Variants in EFCAB9 observed in about 807,000 individuals in gnomAD.
EFCAB9 encodes EF-hand calcium-binding domain-containing protein 9.
Under a neutral mutation model 15.6 loss-of-function variants are expected in EFCAB9, and 16 were observed. That is an observed-to-expected ratio of 1.03 (90% CI 0.69 to 1.56). EFCAB9 has a LOEUF of 1.56. EFCAB9 is among the 40% of genes most tolerant of loss of function. The pLI is 0.00. For missense variants in EFCAB9, 208 were observed against 235.4 expected, an observed-to-expected ratio of 0.88 and a Z score of 0.76; for synonymous variants, 76 against 85.4, an observed-to-expected ratio of 0.89 and a Z score of 0.61.
Position 172,199,380 on chromosome 5 carries a change from C to G in EFCAB9, c.137-3C>G. On this transcript the variant is annotated splice_polypyrimidine_tract_variant and splice_region_variant and intron_variant, in intron 1 of 3. Coordinates refer to ENST00000398186, the MANE Select transcript of EFCAB9 (RefSeq NM_001171183.2). ...ACATCTCCTCACCTGCCCACCTTAACAGATGTGCTGTTCTATCACTTCCTT... is the reference window on the plus strand; with the variant it reads ...ACATCTCCTCACCTGCCCACCTTAAGAGATGTGCTGTTCTATCACTTCCTT... 1 of 1,537,210 alleles carries G rather than the reference C, an allele frequency of 6.5e-7. No homozygotes were observed. The highest frequency in any genetic ancestry group is 8.7e-7 in the Non-Finnish European group (1 of 1,146,886).
rs1355692849 is a variant in EFCAB9, at chr5:172,203,341, A to G, written c.590A>G (p.Lys197Arg). ...AGTCTCTACTCAAAATGTCACATCA[A>G]GTAGATACAAGCTGAAAGAGTCTTG... ...KRSLYSKCHI[K>R] Residue 197 changes from lysine (K) to arginine (R), a missense_variant, in exon 4 of 4, where the codon AAG becomes AGG. Coordinates refer to ENST00000398186, the MANE Select transcript of EFCAB9 (RefSeq NM_001171183.2). 2 of 1,530,874 alleles carry G rather than the reference A, an allele frequency of 1.3e-6. No individual in the cohort carries two copies. Among genetic ancestry groups the G allele is most frequent in the Middle Eastern group, 1.7e-4 (1 of 5,952 alleles). The allele number at this position is 1,530,874 out of a possible 1,614,324, so 94.8% of individuals were successfully genotyped here.
chr5:172,200,602 C>T lies in EFCAB9; in HGVS notation c.322C>T (p.Arg108Trp), dbSNP rs867066300. 44 of 1,536,982 alleles carry T rather than the reference C, an allele frequency of 2.9e-5. No homozygotes were observed. The highest frequency in any genetic ancestry group is 4.1e-5 in the African/African-American group (3 of 73,022). The part of the protein sequence containing the change: ...LEGQFMYRHS[R>W]PVFDLLDLKG... ...AGGACAGTTTATGTATCGTCATTCC[C>T]GGCCTGTCTTTGACCTGCTTGACCT... is the stretch of plus-strand genomic sequence containing the variant. The change falls in exon 3 of 4, where the codon CGG becomes TGG. Residue 108 changes from arginine (R) to tryptophan (W), a missense_variant. Transcript: ENST00000398186.
intron 3 of EFCAB9, among the ~76,000 whole-genome samples, chr5:172,202,289 C>T (rs551295320): frequency 1.4e-3 from 173 of 122,104 alleles, no homozygotes; most frequent in African/African-American, 5.5e-3. Context: ...TGCAGTGAGC[C>T]GAGATCATGC....
intron 3 of EFCAB9, 119 bp from the exon 4 acceptor site, chr5:172,203,095 A>T: frequency 1.0e-6 from 1 of 986,540 alleles, no homozygotes; most frequent in Non-Finnish European, 1.4e-6. Flanking sequence ...TGTCCCAATT[A>T]CTGAGTGTCT....
intron 3 of EFCAB9, among the ~76,000 whole-genome samples, chr5:172,201,710 G>T (rs2113861742): frequency 6.6e-6 from 1 of 152,244 alleles, no homozygotes; most frequent in East Asian, 1.9e-4. Context: ...ATGGGAGCAT[G>T]TGAGCATAAT....
intron 1 of EFCAB9, among the ~76,000 whole-genome samples, chr5:172,195,572 C>T (rs1771146945): frequency 6.6e-6 from 1 of 152,196 alleles, no homozygotes; most frequent in Non-Finnish European, 1.5e-5. Flanking sequence ...CTGCAAAGCC[C>T]ATGCTGAGTC....
chr5:172,203,114 C>T, intron 3 of EFCAB9, 100 bp from the exon 4 acceptor site: 2 of 1,196,726 alleles, frequency 1.7e-6, no homozygotes, highest in East Asian at 2.6e-5. Context: ...CTTTAATTTT[C>T]CAAGTTTTTA....
chr5:172,194,457 T>C (rs972833688), intron 1 of EFCAB9, 149 bp downstream of exon 1: 38 of 1,068,516 alleles, frequency 3.6e-5, no homozygotes, highest in Non-Finnish European at 4.8e-5. Context: ...TGGAGTACGA[T>C]GGCGCGATCT....
In EFCAB9 at chr5:172,194,378, A is replaced by G. The variant is rs540274838; in HGVS notation, c.136+70A>G. 681 of 1,489,666 alleles carry G rather than the reference A, an allele frequency of 4.6e-4. 12 individuals carry two copies. In the South Asian group the frequency reaches 6.3e-3, roughly 14 times the overall value. The allele number at this position is 1,489,666 out of a possible 1,614,324, so 92.3% of individuals were successfully genotyped here. On this transcript the variant is annotated intron_variant, in intron 1 of 3. Transcript: ENST00000398186. Reference sequence around the variant, plus strand: ...TTAGCTAATGTGTAAGAAAACTTGCAGAGCCAGAAACTATTTTGTTAGTAC... The same window carrying G: ...TTAGCTAATGTGTAAGAAAACTTGCGGAGCCAGAAACTATTTTGTTAGTAC...
chr5:172,201,235 C>T (rs1250261928), intron 3 of EFCAB9, among the ~76,000 whole-genome samples: 3 of 152,142 alleles, frequency 2.0e-5, no homozygotes, highest in African/African-American at 4.8e-5. Context: ...ATCAGCCAGG[C>T]GCAGTGGCAC....
rs768660153 is a variant in EFCAB9, at chr5:172,200,593, C to G, written c.313C>G (p.Arg105Gly). The G allele has an allele frequency of 5.9e-6, 9 of 1,536,824 alleles. No homozygotes were observed. In the African/African-American group the frequency reaches 8.2e-5, roughly 14 times the overall value. The change falls in exon 3 of 4, where the codon CGT becomes GGT. Residue 105 changes from arginine (R) to glycine (G), a missense_variant. By Grantham distance (125) the Arg-to-Gly change is moderately radical (BLOSUM62 -2). Transcript: ENST00000398186. ...QNHLEGQFMY[R>G]HSRPVFDLLD... ...CCATTTGGAAGGACAGTTTATGTATCGTCATTCCCGGCCTGTCTTTGACCT... is the reference window on the plus strand; with the variant it reads ...CCATTTGGAAGGACAGTTTATGTATGGTCATTCCCGGCCTGTCTTTGACCT...
chr5:172,201,627 T>C (rs190932578), intron 3 of EFCAB9, among the ~76,000 whole-genome samples: 2 of 152,284 alleles, frequency 1.3e-5, no homozygotes, highest in East Asian at 1.9e-4. Flanking sequence ...GGAGGAAATA[T>C]AATATGACAG....
chr5:172,199,303 C>A, intron 1 of EFCAB9, 80 bp from the exon 2 acceptor site: 1 of 1,442,134 alleles, frequency 6.9e-7, no homozygotes. Flanking sequence ...AACATCACTA[C>A]CATTTACATG....
chr5:172,202,688 A>C (rs1771276305), intron 3 of EFCAB9, among the ~76,000 whole-genome samples: 1 of 151,258 alleles, frequency 6.6e-6, no homozygotes, highest in African/African-American at 2.4e-5. Flanking sequence ...AGCCTGGGTG[A>C]CCAAGTGAGA....
intron 1 of EFCAB9, among the ~76,000 whole-genome samples, 175 bp downstream of exon 1, chr5:172,194,483 TC>T (rs1419808583): frequency 6.6e-6 from 1 of 151,946 alleles, no homozygotes; most frequent in Non-Finnish European, 1.5e-5. Flanking sequence ...CACTGCAATC[TC>T]CGCCTCCAGG....
rs913849300 is a variant in EFCAB9, at chr5:172,194,247, CGT to C, written c.77_78del (p.Val26GlufsTer20). 5.2e-6 allele frequency: 8 copies of C among 1,537,730 alleles called. No individual in the cohort carries two copies. The highest frequency in any genetic ancestry group is 1.4e-5 in the African/African-American group (1 of 73,020). ...TATACTGCTTATTATCCGTGAGAAA[CGT>C]GAAGGCTTTGGCAGAATATTTTCAT... ...KIYCLLSVRN[V>X]KALAEYFHIL... is the part of the protein sequence containing the mutation. On this transcript the variant is annotated frameshift_variant, in exon 1 of 4. Transcript: ENST00000398186. LOFTEE classifies it high-confidence loss of function.
At chr5:172,195,389 AG>A (rs1419212488) in intron 1 of EFCAB9, among the ~76,000 whole-genome samples, 2 of 152,174 alleles carry the variant, frequency 1.3e-5, no homozygotes, top group African/African-American at 4.8e-5. Context: ...GATTTTAAGG[AG>A]TTCATTCAAT....
rs1044792234 is a variant in EFCAB9 at position 172,203,257 on chromosome 5, C to G, written c.506C>G (p.Thr169Ser). 2.1e-5 allele frequency: 32 copies of G among 1,536,292 alleles called. No individual in the cohort carries two copies. Among genetic ancestry groups the G allele is most frequent in the South Asian group, 8.3e-5 (7 of 84,038 alleles). ...TTTAAGCTGTATACAATCATCTACA[C>G]TGACAAATTACAGAAGAGGCAGAAA... ...QEFKLYTIIYTDKLQKRQKTE... is the reference protein window; with the variant it reads ...QEFKLYTIIYSDKLQKRQKTE... The change falls in exon 4 of 4, where the codon ACT (threonine) becomes AGT (serine). Residue 169 changes from threonine to serine, a missense_variant. Physicochemically the swap from Thr to Ser is moderately conservative, Grantham distance 58. Coordinates refer to ENST00000398186, the MANE Select transcript of EFCAB9 (RefSeq NM_001171183.2).
intron 1 of EFCAB9, among the ~76,000 whole-genome samples, chr5:172,199,039 G>C (rs1017782665): frequency 2.6e-5 from 4 of 152,152 alleles, no homozygotes; most frequent in Admixed American, 6.5e-5. Context: ...TCATACATAA[G>C]GAGCACTTTG....
Sources: allele counts gnomAD v4.1 joint callset (sites outside exome capture counted in the v4.1 genomes callset), GRCh38; gene constraint gnomAD v4.1.1; transcripts MANE v1.5; gene names NCBI Gene and HGNC (gene_info 2026-07-23, HGNC 2026-07-21).